SYNE2: variants seen among roughly 807,000 people sequenced by gnomAD.
SYNE2 encodes nesprin-2.
SYNE2 carries 431 observed loss-of-function variants against 856.3 expected under a neutral mutation model. The ratio of observed to expected loss-of-function variants is 0.50; its 90% confidence interval spans 0.47 to 0.55. SYNE2 has a LOEUF of 0.55. SYNE2 is among the 20% of genes least tolerant of loss of function. The probability of loss-of-function intolerance (pLI) is 0.00; values close to 1 mark genes in which losing one functional copy is unlikely to be tolerated. For missense variants in SYNE2, 8,129 were observed against 8,023.2 expected (o/e 1.01, Z -0.50); for synonymous variants, 2,923 against 2,872.3 (o/e 1.02, Z -0.56).
chr14:64,076,382 T>G (rs2097459793), intron 54 of SYNE2, among the ~76,000 whole-genome samples: 1 of 152,216 alleles, frequency 6.6e-6, no homozygotes, highest in Non-Finnish European at 1.5e-5. Context: ...TGGTTTTGTT[T>G]GCTTTTGTAC....
At chr14:63,836,461 C>CT (rs1440074781) in intron 1 of SYNE2, among the ~76,000 whole-genome samples, 1 of 152,192 alleles carries the variant, frequency 6.6e-6, no homozygotes, top group Non-Finnish European at 1.5e-5. Flanking sequence ...ACTCCTTTCA[C>CT]TTACCATTCT....
At chr14:63,967,223 C>T (rs1255890) in intron 10 of SYNE2, among the ~76,000 whole-genome samples, 47,971 of 152,004 alleles carry the variant, frequency 0.32, 7,851 homozygotes, top group African/African-American at 0.38. Context: ...GCTTTACTTA[C>T]TAAATATTTG....
In SYNE2 at chr14:64,025,018, T is replaced by G; in HGVS notation, c.5947T>G (p.Leu1983Val). Residue 1983 changes from leucine (L) to valine (V), a missense_variant, in exon 40 of 116, where the codon TTA (leucine) becomes GTA (valine). Leu to Val is a conservative substitution (Grantham distance 32). Around this residue, in one of 3 missense-constraint regions of SYNE2, gnomAD observed 2,422 missense variants for 2,357.4 expected, o/e 1.03. Transcript: ENST00000555002. ...GEKTELFCQA[L>V]ARKREQFESV... ...GAAAACTGAGCTGTTCTGCCAAGCT[T>G]TAGCTAGAAAGAGGTATAGCTGATC... 6.2e-7 allele frequency: 1 copy of G among 1,614,088 alleles called. No homozygotes were observed. The highest frequency in any genetic ancestry group is 8.5e-7 in the Non-Finnish European group (1 of 1,179,964).
At chr14:63,841,079 G>A (rs1890052347) in intron 1 of SYNE2, among the ~76,000 whole-genome samples, 1 of 152,084 alleles carries the variant, frequency 6.6e-6, no homozygotes, top group African/African-American at 2.4e-5. Context: ...CTAGGGCAGG[G>A]GAAACAAAAT....
intron 99 of SYNE2, among the ~76,000 whole-genome samples, chr14:64,197,562 A>G (rs534845485): frequency 2.0e-5 from 3 of 152,334 alleles, no homozygotes; most frequent in East Asian, 3.9e-4. Flanking sequence ...TGTTTATTTC[A>G]GTACAAATTC....
chr14:63,900,797 G>T (rs1217137095), intron 1 of SYNE2, among the ~76,000 whole-genome samples: 1 of 152,162 alleles, frequency 6.6e-6, no homozygotes, highest in Admixed American at 6.6e-5. Context: ...AAAGTTAATG[G>T]GAAAAAGATG....
chr14:63,986,625 T>G lies in SYNE2; in HGVS notation c.2313+8T>G, dbSNP rs1158187596. On this transcript the variant is annotated splice_region_variant and intron_variant, in intron 19 of 115. Coordinates refer to ENST00000555002, the MANE Select transcript of SYNE2 (RefSeq NM_182914.3). Reference sequence around the variant, plus strand: ...ATGGAAGAATCTTTGAAGGTATGTGTGTAAAAGTATTAAGAGGGTACTTTC... The same window carrying G: ...ATGGAAGAATCTTTGAAGGTATGTGGGTAAAAGTATTAAGAGGGTACTTTC... 6.2e-7 allele frequency: 1 copy of G among 1,613,862 alleles called. No individual in the cohort carries two copies. Among genetic ancestry groups the G allele is most frequent in the East Asian group, 2.2e-5 (1 of 44,874 alleles).
intron 64 of SYNE2, among the ~76,000 whole-genome samples, chr14:64,106,581 G>C (rs992970174): frequency 2.0e-5 from 3 of 152,122 alleles, no homozygotes; most frequent in Non-Finnish European, 4.4e-5. Flanking sequence ...CCCAGGAGGC[G>C]GAGCTTGTGG....
chr14:64,036,796 C>T (rs1212191539), intron 45 of SYNE2, among the ~76,000 whole-genome samples: 2 of 152,148 alleles, frequency 1.3e-5, no homozygotes, highest in Non-Finnish European at 2.9e-5. Context: ...TTTACATTCT[C>T]TGGTTTGAAT....
At chr14:64,035,881 T>C (rs1301555039) in intron 45 of SYNE2, among the ~76,000 whole-genome samples, 1 of 151,586 alleles carries the variant, frequency 6.6e-6, no homozygotes, top group Non-Finnish European at 1.5e-5. Flanking sequence ...TTTTTTTTTT[T>C]TTTGTAGAGA....
At chr14:64,042,373 G>A (rs1437008675) in intron 45 of SYNE2, among the ~76,000 whole-genome samples, 1 of 152,208 alleles carries the variant, frequency 6.6e-6, no homozygotes, top group Non-Finnish European at 1.5e-5. Flanking sequence ...AAGGGATAGA[G>A]GTTGGGCTTT....
chr14:63,884,805 T>C (rs551637208), intron 1 of SYNE2, among the ~76,000 whole-genome samples: 30 of 152,110 alleles, frequency 2.0e-4, no homozygotes, highest in African/African-American at 6.5e-4. Context: ...TTGAAACATA[T>C]ATATATATAT....
At chr14:63,771,788 T>C (rs1452037041) in intron 1 of SYNE2, among the ~76,000 whole-genome samples, 1 of 151,998 alleles carries the variant, frequency 6.6e-6, no homozygotes, top group African/African-American at 2.4e-5. Context: ...TTCCAGCTAT[T>C]CAGGGGGCTG....
intron 1 of SYNE2, among the ~76,000 whole-genome samples, chr14:63,891,074 TCA>T (rs1271508582): frequency 1.3e-5 from 2 of 152,208 alleles, no homozygotes; most frequent in Non-Finnish European, 1.5e-5. Context: ...AATATTTATC[TCA>T]CGCCCTCATG....
At chr14:63,875,868 T>G (rs1220847038) in intron 1 of SYNE2, among the ~76,000 whole-genome samples, 1 of 152,190 alleles carries the variant, frequency 6.6e-6, no homozygotes, top group African/African-American at 2.4e-5. Context: ...AGCCTGCTCT[T>G]GCCCTCTGCA....
chr14:64,041,120 G>A (rs1166211224), intron 45 of SYNE2, among the ~76,000 whole-genome samples: 1 of 152,120 alleles, frequency 6.6e-6, no homozygotes, highest in African/African-American at 2.4e-5. Flanking sequence ...ATTCTAGAAT[G>A]AGGCAAAATA....
intron 1 of SYNE2, among the ~76,000 whole-genome samples, chr14:63,780,312 C>A (rs765271504): frequency 6.6e-6 from 1 of 151,690 alleles, no homozygotes; most frequent in Non-Finnish European, 1.5e-5. Flanking sequence ...GGCGGGCAGA[C>A]GATTTGAGGT....
chr14:64,193,512 T>C (rs937416636), intron 99 of SYNE2, among the ~76,000 whole-genome samples: 2 of 151,820 alleles, frequency 1.3e-5, no homozygotes, highest in Non-Finnish European at 2.9e-5. Context: ...ATCACACCAC[T>C]GCTCTCCAAC....
At chr14:64,123,309 C>T (rs1274146568) in intron 70 of SYNE2, among the ~76,000 whole-genome samples, 3 of 152,218 alleles carry the variant, frequency 2.0e-5, no homozygotes, top group African/African-American at 4.8e-5. Flanking sequence ...TCTCTCCAGA[C>T]AGGGAGCAGG....
Sources: gnomAD v4.1 joint callset for allele counts (sites outside exome capture counted in the v4.1 genomes callset) on GRCh38, gnomAD v4.1.1 for gene constraint, gnomAD v4.1.1 regional missense constraint, MANE v1.5 for transcripts, NCBI Gene and HGNC (gene_info 2026-07-23, HGNC 2026-07-21) for gene names.